DENND1B: variants seen among roughly 807,000 people sequenced by gnomAD.
DENND1B encodes the protein DENN domain containing 1B.
DENND1B carries 59 observed loss-of-function variants against 90.1 expected under a neutral mutation model. The observed-to-expected ratio is 0.65, with a 90% CI of 0.53 to 0.81. The LOEUF is 0.81. Among genes scored for constraint, DENND1B ranks in the 40% least tolerant of loss-of-function variants. The probability of loss-of-function intolerance (pLI) is 0.00; values close to 1 mark genes in which losing one functional copy is unlikely to be tolerated. For synonymous variants in DENND1B, 337 were observed against 324.6 expected (o/e 1.04, Z -0.41); for missense variants, 862 against 912.6 (o/e 0.94, Z 0.71).
intron 10 of DENND1B, among the ~76,000 whole-genome samples, chr1:197,637,953 A>G (rs1015428822): frequency 3.9e-5 from 6 of 152,200 alleles, no homozygotes; most frequent in Admixed American, 3.9e-4. Context: ...TTCGGGTTTC[A>G]GATTAAATGC....
intron 2 of DENND1B, chr1:197,734,878 T>TA: frequency 1.0e-6 from 1 of 985,316 alleles, no homozygotes; most frequent in Non-Finnish European, 1.2e-6. Context: ...TGCTTATACA[T>TA]AGCAGATGTC....
chr1:197,705,495 T>C (rs1659437992), intron 3 of DENND1B, among the ~76,000 whole-genome samples: 1 of 152,008 alleles, frequency 6.6e-6, no homozygotes, highest in South Asian at 2.1e-4. Flanking sequence ...GATCTCACAA[T>C]TTCAGAAACA....
chr1:197,732,549 A>C (rs1435355045), intron 2 of DENND1B, among the ~76,000 whole-genome samples: 5 of 152,198 alleles, frequency 3.3e-5, no homozygotes, highest in Admixed American at 3.3e-4. Flanking sequence ...GTTAAAAGAC[A>C]CCATGGCAGA....
At chr1:197,719,747 G>A (rs1571490692) in intron 2 of DENND1B, among the ~76,000 whole-genome samples, 1 of 152,172 alleles carries the variant, frequency 6.6e-6, no homozygotes, top group African/African-American at 2.4e-5. Flanking sequence ...ATCTAAAAGA[G>A]TGGCTGCAGA....
At chr1:197,755,085 C>T (rs766225296) in intron 2 of DENND1B, among the ~76,000 whole-genome samples, 2 of 152,254 alleles carry the variant, frequency 1.3e-5, no homozygotes, top group Admixed American at 6.5e-5. Flanking sequence ...CTAAAGAAAT[C>T]GTTCACTTGA....
At position 197,510,953 on chromosome 1, in the gene DENND1B, C is replaced by G. The variant is rs1217441452; in HGVS notation, c.1835G>C (p.Ser612Thr). The G allele has an allele frequency of 6.6e-7, 1 of 1,525,886 alleles. No homozygotes were observed. 94.5% of individuals were successfully genotyped at this position (1,525,886 alleles called of 1,614,324 possible). ...ACAGAGGAAAGCCAGGTTATTCTCA[C>G]TAGGAGCATTAGATTTATTCTGAAA... ...YKPTNKSNAPSENNLAFLCGG... is the reference protein window; with the variant it reads ...YKPTNKSNAPTENNLAFLCGG... The change falls in exon 23 of 23, where the codon AGT becomes ACT. Residue 612 changes from serine (S) to threonine (T), a missense_variant. By Grantham distance (58) the Ser-to-Thr change is moderately conservative. Coordinates refer to ENST00000620048, the MANE Select transcript of DENND1B (RefSeq NM_001195215.2).
At position 197,510,424 on chromosome 1, in the gene DENND1B, T is replaced by A. The variant is rs760780267; in HGVS notation, c.*36A>T. On this transcript the variant is annotated 3_prime_UTR_variant, in exon 23 of 23. Coordinates refer to ENST00000620048, the MANE Select transcript of DENND1B (RefSeq NM_001195215.2). ...TGTTTATTATACAGATTGCATTGAATCTCAAAATGTCTCCATAGAAGCTTG... is the reference window on the plus strand; with the variant it reads ...TGTTTATTATACAGATTGCATTGAAACTCAAAATGTCTCCATAGAAGCTTG... 1.3e-6 allele frequency: 2 copies of A among 1,546,998 alleles called. No homozygotes were observed. Among genetic ancestry groups the A allele is most frequent in the Non-Finnish European group, 1.7e-6 (2 of 1,148,634 alleles).
intron 17 of DENND1B, 96 bp from the exon 18 acceptor site, chr1:197,546,086 C>T (rs1670797216): frequency 4.2e-6 from 4 of 941,378 alleles, no homozygotes; most frequent in South Asian, 3.6e-5. Context: ...AAAAAAAGGG[C>T]TTTACTCACA....
At chr1:197,629,965 A>C (rs1449350814) in intron 10 of DENND1B, among the ~76,000 whole-genome samples, 1 of 152,116 alleles carries the variant, frequency 6.6e-6, no homozygotes, top group East Asian at 1.9e-4. Flanking sequence ...GTTCCCCATC[A>C]CATGTCATCA....
chr1:197,770,813 T>TATATATCTATAA (rs1474676885), intron 2 of DENND1B, among the ~76,000 whole-genome samples: 1 of 137,408 alleles, frequency 7.3e-6, no homozygotes. Flanking sequence ...TATATATAAA[T>TATATATCTATAA]ATATATGTAA....
intron 21 of DENND1B, 117 bp downstream of exon 21, chr1:197,512,753 CT>C: frequency 1.4e-5 from 12 of 864,796 alleles, no homozygotes; most frequent in Non-Finnish European, 2.1e-5. Context: ...CTGAAGAACA[CT>C]GTAAAAGGGC....
intron 6 of DENND1B, among the ~76,000 whole-genome samples, chr1:197,657,299 T>G (rs760813180): frequency 6.6e-6 from 1 of 152,168 alleles, no homozygotes; most frequent in Non-Finnish European, 1.5e-5. Context: ...AATACCTATT[T>G]GCTATTGAGA....
chr1:197,586,429 T>C (rs1431692605), intron 14 of DENND1B, among the ~76,000 whole-genome samples: 2 of 152,188 alleles, frequency 1.3e-5, no homozygotes, highest in Non-Finnish European at 2.9e-5. Flanking sequence ...TATTTATACA[T>C]ATACCTCACA....
chr1:197,766,588 T>A (rs1202461389), intron 2 of DENND1B, among the ~76,000 whole-genome samples: 1 of 152,160 alleles, frequency 6.6e-6, no homozygotes, highest in African/African-American at 2.4e-5. Flanking sequence ...AAAGGAGACA[T>A]AAGCACTGAA....
chr1:197,609,163 T>C (rs1342401938), intron 12 of DENND1B, among the ~76,000 whole-genome samples: 1 of 150,528 alleles, frequency 6.6e-6, no homozygotes, highest in Non-Finnish European at 1.5e-5. Flanking sequence ...ATTTAAAAAA[T>C]TATCTTTTTC....
At chr1:197,676,234 A>G (rs1656061642) in intron 3 of DENND1B, among the ~76,000 whole-genome samples, 1 of 152,136 alleles carries the variant, frequency 6.6e-6, no homozygotes, top group South Asian at 2.1e-4. Flanking sequence ...TTCCTTAATT[A>G]CAGGTGCTAT....
chr1:197,618,158 G>C (rs1677828393), intron 10 of DENND1B, among the ~76,000 whole-genome samples: 1 of 151,202 alleles, frequency 6.6e-6, no homozygotes, highest in Admixed American at 6.6e-5. Flanking sequence ...AGGAAGAGAG[G>C]CTGAAAGCTC....
At chr1:197,579,265 G>A (rs1267241615) in intron 15 of DENND1B, among the ~76,000 whole-genome samples, 1 of 152,106 alleles carries the variant, frequency 6.6e-6, no homozygotes, top group Non-Finnish European at 1.5e-5. Flanking sequence ...GTTGGGAAAT[G>A]TCCTCATGTC....
rs1289178289 is a variant in DENND1B, at chr1:197,598,123, A to C, written c.922-2790T>G. Among the ~76,000 whole-genome samples, 5 of 151,944 alleles carry C rather than the reference A, an allele frequency of 3.3e-5. No individual in the cohort carries two copies. The East Asian group carries it at 9.7e-4, about 29-fold the overall frequency. On this transcript the variant is annotated intron_variant, in intron 13 of 22. Coordinates refer to ENST00000620048, the MANE Select transcript of DENND1B (RefSeq NM_001195215.2). Reference sequence around the variant, plus strand: ...ACTATCTAATTTCATACAGATTTTAAACTAAAATTGCCTGGCAAGAAATAT... The same window carrying C: ...ACTATCTAATTTCATACAGATTTTACACTAAAATTGCCTGGCAAGAAATAT...
Sources: allele counts gnomAD v4.1 joint callset (sites outside exome capture counted in the v4.1 genomes callset), GRCh38; gene constraint gnomAD v4.1.1; transcripts MANE v1.5; gene names NCBI Gene and HGNC (gene_info 2026-07-23, HGNC 2026-07-21).